Variants in SKIC2 observed in about 807,000 individuals in gnomAD.
SKIC2 encodes SKI2 subunit of superkiller complex.
chr6:31,968,310 G>T, the SKIC2 span: 14 of 1,603,200 alleles, frequency 8.7e-6, no homozygotes, highest in Non-Finnish European at 1.1e-5. The surrounding 1 kb of genome is among the most constrained non-coding windows in gnomAD (Gnocchi z 6.1). Flanking sequence ...CAGATCTTAA[G>T]ATCTGCTCCC....
chr6:31,962,678 C>T, the SKIC2 span: 1 of 1,605,160 alleles, frequency 6.2e-7, no homozygotes. The surrounding 1 kb of genome is among the most constrained non-coding windows in gnomAD (Gnocchi z 5.0). Context: ...TGGAGACGAG[C>T]CACTGGGGAG....
chr6:31,961,867 C>T, the SKIC2 span: 2 of 1,608,098 alleles, frequency 1.2e-6, no homozygotes, highest in Non-Finnish European at 1.7e-6. Context: ...CAGCAAGGCC[C>T]CGCTCCTTTC....
the SKIC2 span, chr6:31,966,661 T>C: frequency 6.2e-7 from 1 of 1,608,608 alleles, no homozygotes; most frequent in South Asian, 1.1e-5. The surrounding 1 kb of genome is among the most constrained non-coding windows in gnomAD (Gnocchi z 5.9). Context: ...TGGCTGGGGT[T>C]CAGTAGGTCC....
the SKIC2 span, chr6:31,968,376 G>A: frequency 6.2e-7 from 1 of 1,613,028 alleles, no homozygotes; most frequent in Non-Finnish European, 8.5e-7. The surrounding 1 kb of genome is among the most constrained non-coding windows in gnomAD (Gnocchi z 6.1). Context: ...AGGAACTGCT[G>A]CGTCTGGCTC....
At chr6:31,960,571 T>A in the SKIC2 span, 7 of 1,580,934 alleles carry the variant, frequency 4.4e-6, no homozygotes, top group Non-Finnish European at 6.1e-6. Flanking sequence ...GATGGGATGG[T>A]AGAAGAGGGT....
chr6:31,962,505 C>T, the SKIC2 span: 28 of 1,614,070 alleles, frequency 1.7e-5, no homozygotes, highest in Middle Eastern at 1.6e-4. This position sits in a 1 kb window ranked among gnomAD's most constrained non-coding sequence, Gnocchi z 5.0. Context: ...GAAACACATT[C>T]GGGGATGTGG....
the SKIC2 span, chr6:31,963,060 C>T: frequency 6.2e-7 from 1 of 1,612,788 alleles, no homozygotes; most frequent in South Asian, 1.1e-5. This position sits in a 1 kb window ranked among gnomAD's most constrained non-coding sequence, Gnocchi z 5.3. Context: ...TGCCACCGTC[C>T]CCAACGCCCT....
At chr6:31,960,093 T>G in the SKIC2 span, 1 of 1,612,922 alleles carries the variant, frequency 6.2e-7, no homozygotes, top group African/African-American at 1.3e-5. Flanking sequence ...CCTGGCTGCC[T>G]CTGCATGGTG....
the SKIC2 span, chr6:31,966,708 G>C: frequency 6.2e-7 from 1 of 1,614,038 alleles, no homozygotes; most frequent in Non-Finnish European, 8.5e-7. This position sits in a 1 kb window ranked among gnomAD's most constrained non-coding sequence, Gnocchi z 5.9. Context: ...CCTGACTCCA[G>C]GGGAAGCCGT....
chr6:31,963,320 A>T, the SKIC2 span: 1 of 1,231,760 alleles, frequency 8.1e-7, no homozygotes, highest in Non-Finnish European at 1.1e-6. This position sits in a 1 kb window ranked among gnomAD's most constrained non-coding sequence, Gnocchi z 5.3. Flanking sequence ...CTCAGAAAAG[A>T]CTGGGTAAAG....
chr6:31,961,605 G>A, the SKIC2 span: 26 of 1,612,892 alleles, frequency 1.6e-5, no homozygotes, highest in Non-Finnish European at 2.1e-5. Context: ...CAGGAGCAGT[G>A]GGCCATCCCT....
the SKIC2 span, chr6:31,963,626 C>T: frequency 6.5e-7 from 1 of 1,535,192 alleles, no homozygotes; most frequent in South Asian, 1.3e-5. This position sits in a 1 kb window ranked among gnomAD's most constrained non-coding sequence, Gnocchi z 5.3. Context: ...CTACCCCTCC[C>T]TGTGCCCCAG....
At chr6:31,963,237 T>C in the SKIC2 span, 1 of 810,746 alleles carries the variant, frequency 1.2e-6, no homozygotes, top group Non-Finnish European at 1.9e-6. The surrounding 1 kb of genome is among the most constrained non-coding windows in gnomAD (Gnocchi z 5.3). Context: ...GGCTGTGGGA[T>C]CCCCTTTGGG....
chr6:31,969,386 T>C, the SKIC2 span: 1 of 1,614,184 alleles, frequency 6.2e-7, no homozygotes, highest in South Asian at 1.1e-5. This position sits in a 1 kb window ranked among gnomAD's most constrained non-coding sequence, Gnocchi z 6.1. Context: ...AATTTTGGGC[T>C]GGTTGAGGTT....
the SKIC2 span, chr6:31,961,746 C>T: frequency 7.6e-6 from 12 of 1,571,748 alleles, no homozygotes; most frequent in East Asian, 1.8e-4. Context: ...CCCCTTGTCT[C>T]CTCTATTGGC....
chr6:31,965,005 C>T, the SKIC2 span, among the ~76,000 whole-genome samples: 1 of 152,158 alleles, frequency 6.6e-6, no homozygotes, highest in African/African-American at 2.4e-5. The surrounding 1 kb of genome is among the most constrained non-coding windows in gnomAD (Gnocchi z 5.6). Context: ...GTAGTCCCAG[C>T]TACTTGGGAG....
At chr6:31,964,033 G>C in the SKIC2 span, 39 of 1,612,494 alleles carry the variant, frequency 2.4e-5, no homozygotes, top group Non-Finnish European at 3.2e-5. The surrounding 1 kb of genome is among the most constrained non-coding windows in gnomAD (Gnocchi z 5.0). Flanking sequence ...CACCTCCCTT[G>C]ACCTCACCAC....
chr6:31,966,097 T>A, the SKIC2 span: 2 of 936,644 alleles, frequency 2.1e-6, no homozygotes, highest in East Asian at 2.7e-5. The surrounding 1 kb of genome is among the most constrained non-coding windows in gnomAD (Gnocchi z 5.9). Flanking sequence ...TTCTTTTTCT[T>A]CTTCCTTTTT....
the SKIC2 span, chr6:31,960,227 C>A: frequency 6.2e-7 from 1 of 1,612,782 alleles, no homozygotes; most frequent in Non-Finnish European, 8.5e-7. Context: ...CAGAAAATGG[C>A]AGAGGAAGAC....
Sources: gnomAD v4.1 joint callset for allele counts (sites outside exome capture counted in the v4.1 genomes callset) on GRCh38, gnomAD v4.1.1 for gene constraint, Gnocchi (gnomAD v3.1) non-coding constraint, MANE v1.5 for transcripts, NCBI Gene and HGNC (gene_info 2026-07-23, HGNC 2026-07-21) for gene names.